Variants in CTNNA3 observed in about 807,000 individuals in gnomAD.
CTNNA3 encodes the protein catenin alpha 3.
Under a neutral mutation model 95.7 loss-of-function variants are expected in CTNNA3, and 76 were observed. The observed-to-expected ratio is 0.79, with a 90% confidence interval of 0.66 to 0.96. The LOEUF (loss-of-function observed/expected upper bound fraction) is 0.96, where lower values mean the gene tolerates loss of function less well. Ranked by LOEUF, CTNNA3 falls within the 40% of genes least tolerant of loss-of-function variation. CTNNA3 has a pLI of 0.00. For missense variants in CTNNA3, 1,191 were observed against 1,089.8 expected, an observed-to-expected ratio of 1.09 and a Z score of -1.31; for synonymous variants, 431 against 374.4, an observed-to-expected ratio of 1.15 and a Z score of -1.74.
Position 67,503,940 on chromosome 10 carries a change from A to G in CTNNA3, c.579+17902T>C, listed in dbSNP as rs183615467. 5.3e-3 allele frequency among the ~76,000 whole-genome samples: 810 copies of G among 152,114 alleles called. 6 individuals are homozygous for G. Among genetic ancestry groups the G allele is most frequent in the African/African-American group, 0.018 (730 of 41,506 alleles). ...TGGGAGGCCAAGGCGGGCGGATCAC[A>G]AGGTCAGGAGATCAAGACCATCCTG... On this transcript the variant is annotated intron_variant, in intron 5 of 17. Coordinates refer to ENST00000433211, the MANE Select transcript of CTNNA3 (RefSeq NM_013266.4).
intron 5 of CTNNA3, among the ~76,000 whole-genome samples, chr10:67,354,346 TTGTC>T (rs997741571): frequency 5.3e-5 from 8 of 152,146 alleles, no homozygotes; most frequent in East Asian, 3.9e-4. Context: ...TTAACATCCT[TTGTC>T]TGAGCACCTA....
At chr10:67,701,014 G>A (rs897294873), upstream of CTNNA3, among the ~76,000 whole-genome samples, 1 of 152,228 alleles carries the variant, frequency 6.6e-6, no homozygotes, top group Non-Finnish European at 1.5e-5. Flanking sequence ...TCAACTGGAA[G>A]AAAGTGTATC....
At chr10:66,913,172 G>A (rs948438373) in intron 7 of CTNNA3, among the ~76,000 whole-genome samples, 3 of 135,614 alleles carry the variant, frequency 2.2e-5, no homozygotes, top group African/African-American at 8.0e-5. Context: ...CCGGGAGGCG[G>A]AGCTTGCAGT....
intron 7 of CTNNA3, among the ~76,000 whole-genome samples, chr10:66,902,756 GC>G (rs1845808062): frequency 6.6e-6 from 1 of 152,136 alleles, no homozygotes; most frequent in African/African-American, 2.4e-5. Context: ...ACACCTCTAT[GC>G]AAATAAACTA....
intron 7 of CTNNA3, among the ~76,000 whole-genome samples, chr10:66,891,961 T>G (rs780928434): frequency 2.0e-5 from 3 of 152,140 alleles, no homozygotes; most frequent in Non-Finnish European, 4.4e-5. Flanking sequence ...TAGTCTGCCA[T>G]TGCCAAACAT....
chr10:67,392,832 C>T lies in CTNNA3; in HGVS notation c.579+129010G>A, dbSNP rs1411733295. ...CAAAAAACCAAACACCGCATATTCT[C>T]ACTCATAGGTGGGAATTGAACAATG... On this transcript the variant is annotated intron_variant, in intron 5 of 17. Coordinates refer to ENST00000433211, the MANE Select transcript of CTNNA3 (RefSeq NM_013266.4). Among the ~76,000 whole-genome samples, 4 of 152,016 alleles carry T rather than the reference C, an allele frequency of 2.6e-5. No homozygotes were observed. The East Asian group carries it at 7.7e-4, about 29-fold the overall frequency.
intron 7 of CTNNA3, among the ~76,000 whole-genome samples, chr10:66,829,693 A>G (rs5785791): frequency 6.2e-5 from 1 of 16,184 alleles, no homozygotes; most frequent in East Asian, 8.4e-4. Context: ...AACATTTTGG[A>G]AAAAAAAAAA....
In CTNNA3 at chr10:66,125,283, G is replaced by A. The variant is rs575015767; in HGVS notation, c.1885-22034C>T. On this transcript the variant is annotated intron_variant, in intron 13 of 17. Coordinates refer to ENST00000433211, the MANE Select transcript of CTNNA3 (RefSeq NM_013266.4). ...ACTAGTAACAATATATTGTATGATT[G>A]TAGCATTGAGGTAAATTAAATGAAT... Among the ~76,000 whole-genome samples, 8 of 152,160 alleles carry A rather than the reference G, an allele frequency of 5.3e-5. No homozygotes were observed. The South Asian group carries it at 1.5e-3, about 28-fold the overall frequency.
At chr10:67,613,654 A>G (rs1383466274) in intron 2 of CTNNA3, among the ~76,000 whole-genome samples, 1 of 152,154 alleles carries the variant, frequency 6.6e-6, no homozygotes, top group Non-Finnish European at 1.5e-5. Flanking sequence ...GACACGTTAC[A>G]TAATTCATTT....
At chr10:67,283,563 T>C (rs1035653318) in intron 5 of CTNNA3, among the ~76,000 whole-genome samples, 1 of 152,128 alleles carries the variant, frequency 6.6e-6, no homozygotes. Flanking sequence ...AATCAGGATA[T>C]AAGAGATGCA....
intron 5 of CTNNA3, among the ~76,000 whole-genome samples, chr10:67,317,282 T>C (rs756277093): frequency 6.6e-6 from 1 of 152,096 alleles, no homozygotes; most frequent in East Asian, 1.9e-4. Flanking sequence ...TACATATGTA[T>C]ACATGTGCCA....
At chr10:67,270,563 G>A (rs1216633396) in intron 5 of CTNNA3, among the ~76,000 whole-genome samples, 1 of 152,144 alleles carries the variant, frequency 6.6e-6, no homozygotes, top group Non-Finnish European at 1.5e-5. Context: ...TGGAGAGGGA[G>A]TATTTAAAGT....
chr10:67,742,626 G>T (rs1233273064), intron 1 of CTNNA3, among the ~76,000 whole-genome samples: 1 of 151,112 alleles, frequency 6.6e-6, no homozygotes, highest in African/African-American at 2.4e-5. Flanking sequence ...ACAAAAGCTA[G>T]CAGAAGGCAA....
At chr10:66,580,382 A>G (rs1266049344) in intron 10 of CTNNA3, among the ~76,000 whole-genome samples, 2 of 151,772 alleles carry the variant, frequency 1.3e-5, no homozygotes, top group Admixed American at 1.3e-4. Context: ...TAATTTGAAT[A>G]TCGATTATCT....
chr10:67,751,400 A>G (rs1841406466), intron 1 of CTNNA3, among the ~76,000 whole-genome samples: 3 of 152,228 alleles, frequency 2.0e-5, no homozygotes, highest in African/African-American at 4.8e-5. Context: ...TGTATGTTCA[A>G]CTAGGATCAG....
chr10:67,736,622 A>G (rs1055646651), intron 1 of CTNNA3, among the ~76,000 whole-genome samples: 2 of 151,728 alleles, frequency 1.3e-5, no homozygotes, highest in African/African-American at 4.8e-5. Context: ...CGCCTGGCTA[A>G]TTTTTGTACT....
chr10:66,113,468 A>G (rs536463727), intron 13 of CTNNA3, among the ~76,000 whole-genome samples: 1 of 152,306 alleles, frequency 6.6e-6, no homozygotes, highest in East Asian at 1.9e-4. Flanking sequence ...ACTTCTTACA[A>G]CATAAGGCTG....
chr10:66,168,357 AT>A (rs34153544), intron 13 of CTNNA3, among the ~76,000 whole-genome samples: 124,313 of 151,756 alleles, frequency 0.82, 51,028 homozygotes, highest in South Asian at 0.92. Context: ...TCCATTTATT[AT>A]TTTTTTTTAA....
chr10:66,633,369 A>T (rs1336888387), intron 9 of CTNNA3, among the ~76,000 whole-genome samples: 1 of 152,198 alleles, frequency 6.6e-6, no homozygotes, highest in East Asian at 1.9e-4. Flanking sequence ...AATGGAAAAC[A>T]TGATTCTATT....
Sources: gnomAD v4.1 joint callset for allele counts (sites outside exome capture counted in the v4.1 genomes callset) on GRCh38, gnomAD v4.1.1 for gene constraint, MANE v1.5 for transcripts, NCBI Gene and HGNC (gene_info 2026-07-23, HGNC 2026-07-21) for gene names.